The following PPP1R12B variants were observed in gnomAD, a reference collection of about 807,000 sequenced individuals.
The protein encoded by PPP1R12B is protein phosphatase 1 regulatory subunit 12B.
Under a neutral mutation model 126.1 loss-of-function variants are expected in PPP1R12B, and 76 were observed. That is an observed-to-expected ratio of 0.60 (90% CI 0.50 to 0.73). The LOEUF is 0.73. Ranked by LOEUF, PPP1R12B falls within the 30% of genes least tolerant of loss-of-function variation. The pLI is 0.00. For missense variants in PPP1R12B, 1,052 were observed against 1,205.1 expected, an observed-to-expected ratio of 0.87 and a Z score of 1.88; for synonymous variants, 356 against 434.7, an observed-to-expected ratio of 0.82 and a Z score of 2.25.
intron 1 of PPP1R12B, among the ~76,000 whole-genome samples, chr1:202,396,866 A>G (rs1246050794): frequency 6.6e-6 from 1 of 152,088 alleles, no homozygotes; most frequent in East Asian, 1.9e-4. Flanking sequence ...TGTCTGAGGC[A>G]TTCTCTTTTC....
intron 1 of PPP1R12B, among the ~76,000 whole-genome samples, chr1:202,371,912 A>G (rs1204746333): frequency 1.7e-5 from 2 of 120,910 alleles, no homozygotes; most frequent in Non-Finnish European, 3.1e-5. Flanking sequence ...TGCCCTCTGC[A>G]CTCTGCTGGA....
rs2741855 is a variant in PPP1R12B, at chr1:202,442,610, C to T, written c.1667+38C>T. 13,066 of 1,575,362 alleles carry T rather than the reference C, an allele frequency of 8.3e-3. 398 individuals are homozygous for T. In the African/African-American group the frequency reaches 0.1, roughly 12 times the overall value. Reference sequence around the variant, plus strand: ...AAGGGGGTGGGAGATGTTTCTTTCACTCTAGCCATGGGAAATGGGTAATGA... The same window carrying T: ...AAGGGGGTGGGAGATGTTTCTTTCATTCTAGCCATGGGAAATGGGTAATGA... On this transcript the variant is annotated intron_variant, in intron 12 of 23. Transcript: ENST00000608999.
intron 23 of PPP1R12B, among the ~76,000 whole-genome samples, chr1:202,570,786 T>C (rs1363227854): frequency 6.6e-6 from 1 of 152,194 alleles, no homozygotes; most frequent in African/African-American, 2.4e-5. Context: ...TCCTCCCGAA[T>C]AGCTGGGACT....
intron 13 of PPP1R12B, among the ~76,000 whole-genome samples, chr1:202,461,227 C>G (rs1284586781): frequency 6.6e-6 from 1 of 151,780 alleles, no homozygotes; most frequent in African/African-American, 2.4e-5. Flanking sequence ...CCAGTTCGGC[C>G]TTTTATATGT....
intron 18 of PPP1R12B, among the ~76,000 whole-genome samples, chr1:202,500,420 A>T (rs532939123): frequency 6.6e-6 from 1 of 152,346 alleles, no homozygotes; most frequent in Admixed American, 6.5e-5. Context: ...AAGAAAAATG[A>T]AATTATGTCA....
chr1:202,352,930 G>A (rs369111066), intron 1 of PPP1R12B, among the ~76,000 whole-genome samples: 1 of 151,864 alleles, frequency 6.6e-6, no homozygotes. Flanking sequence ...TTTGTAATGT[G>A]CAGGGTCCAA....
At chr1:202,414,583 A>G (rs529145220) in intron 1 of PPP1R12B, among the ~76,000 whole-genome samples, 7 of 152,096 alleles carry the variant, frequency 4.6e-5, no homozygotes, top group East Asian at 3.9e-4. Context: ...CAGAATTCTT[A>G]TTTTCACTTG....
chr1:202,370,069 A>G, intron 1 of PPP1R12B: 1 of 190,742 alleles, frequency 5.2e-6, no homozygotes, highest in Non-Finnish European at 1.1e-5. Flanking sequence ...TACTGGGACT[A>G]CAGGCGTAAA....
chr1:202,494,902 T>G (rs1679348943), intron 15 of PPP1R12B, among the ~76,000 whole-genome samples: 1 of 152,148 alleles, frequency 6.6e-6, no homozygotes, highest in African/African-American at 2.4e-5. Flanking sequence ...GCTCCTGATC[T>G]TTTTGTTTCC....
At position 202,580,614 on chromosome 1, in the gene PPP1R12B, C is replaced by A; in HGVS notation, c.*54C>A. The A allele has an allele frequency of 2.1e-6, 3 of 1,434,406 alleles. No homozygotes were observed. The highest frequency in any genetic ancestry group is 1.7e-5 in the Admixed American group (1 of 59,350). The allele number at this position is 1,434,406 out of a possible 1,614,324, so 88.9% of individuals were successfully genotyped here. ...AGGGACAGCATTTGCTGCCCCCACC[C>A]CTCTTTTCCAGTCCTTGCCTTCCAA... On this transcript the variant is annotated 3_prime_UTR_variant, in exon 24 of 24. Coordinates refer to ENST00000608999, the MANE Select transcript of PPP1R12B (RefSeq NM_002481.4).
chr1:202,500,991 T>C (rs979981707), intron 18 of PPP1R12B, among the ~76,000 whole-genome samples: 5 of 152,224 alleles, frequency 3.3e-5, no homozygotes, highest in Admixed American at 3.3e-4. Context: ...TCTGAACCCA[T>C]CTCCACTGGT....
chr1:202,455,191 TAC>T (rs1673460007), intron 13 of PPP1R12B, among the ~76,000 whole-genome samples: 3 of 124,836 alleles, frequency 2.4e-5, no homozygotes, highest in South Asian at 6.8e-4. Flanking sequence ...AGGAGCTATA[TAC>T]ATATATATAT....
chr1:202,462,961 G>A, intron 13 of PPP1R12B: 1 of 985,398 alleles, frequency 1.0e-6, no homozygotes, highest in African/African-American at 1.7e-5. Context: ...AGAGGCACAG[G>A]AAGTTGATCT....
At chr1:202,503,582 A>G (rs1680458927) in intron 18 of PPP1R12B, among the ~76,000 whole-genome samples, 2 of 152,178 alleles carry the variant, frequency 1.3e-5, no homozygotes, top group Admixed American at 1.3e-4. Flanking sequence ...AAGAGAATGA[A>G]TGTAGACAGA....
Position 202,356,241 on chromosome 1 carries a change from G to C in PPP1R12B, c.291+7099G>C, listed in dbSNP as rs1050693403. Among the ~76,000 whole-genome samples, 5 of 152,188 alleles carry C rather than the reference G, an allele frequency of 3.3e-5. 1 individual carries two copies. On this transcript the variant is annotated intron_variant, in intron 1 of 23. Transcript: ENST00000608999. ...CCTGTAGGTATCTATGTGACTCAAG[G>C]CTAGTCACTTTCCTATCTATGCTCC... is the stretch of plus-strand genomic sequence containing the variant.
intron 1 of PPP1R12B, among the ~76,000 whole-genome samples, chr1:202,363,307 G>C (rs984529942): frequency 6.6e-6 from 1 of 152,130 alleles, no homozygotes; most frequent in Non-Finnish European, 1.5e-5. Context: ...TAATTTTAAA[G>C]ATCTATTCTG....
intron 18 of PPP1R12B, among the ~76,000 whole-genome samples, chr1:202,497,056 A>G (rs1679649324): frequency 6.6e-6 from 1 of 152,220 alleles, no homozygotes. Context: ...GCCTACTGCC[A>G]GTCTTTCACA....
intron 19 of PPP1R12B, among the ~76,000 whole-genome samples, chr1:202,559,359 A>G (rs1047149644): frequency 1.3e-5 from 2 of 152,198 alleles, no homozygotes; most frequent in African/African-American, 4.8e-5. Flanking sequence ...TTGAGGTTAG[A>G]TACTGTTATT....
intron 18 of PPP1R12B, among the ~76,000 whole-genome samples, chr1:202,546,805 C>T (rs1014330703): frequency 5.3e-5 from 8 of 152,026 alleles, no homozygotes; most frequent in Non-Finnish European, 1.0e-4. Context: ...ATGATTGAAG[C>T]CATAAGAGTG....
Sources: gnomAD v4.1 joint callset for allele counts (sites outside exome capture counted in the v4.1 genomes callset) on GRCh38, gnomAD v4.1.1 for gene constraint, MANE v1.5 for transcripts, NCBI Gene and HGNC (gene_info 2026-07-23, HGNC 2026-07-21) for gene names.